H3C8: variants seen among roughly 807,000 people sequenced by gnomAD.
The protein encoded by H3C8 is histone H3.1.
Under a neutral mutation model 7.9 loss-of-function variants are expected in H3C8, and 15 were observed. The observed-to-expected ratio is 1.90, with a 90% CI of 1.27 to 2.93. H3C8 has a LOEUF of 2.93. Among genes scored for constraint, H3C8 ranks in the 30% most tolerant of loss-of-function variants. The pLI, the probability that H3C8 is intolerant of heterozygous loss-of-function variation, is 0.00. For synonymous variants in H3C8, 143 were observed against 77.6 expected (o/e 1.84, Z -4.43); for missense variants, 230 against 190.4 (o/e 1.21, Z -1.23).
Position 26,271,015 on chromosome 6 carries a change from C to G in H3C8, c.370G>C (p.Asp124His). The G allele has an allele frequency of 6.2e-7, 1 of 1,614,214 alleles. No individual in the cohort carries two copies. The highest frequency in any genetic ancestry group is 8.5e-7 in the Non-Finnish European group (1 of 1,180,038). The change falls in exon 1 of 1, where the codon GAC becomes CAC. Residue 124 changes from aspartate to histidine, a missense_variant. By Grantham distance (81) the Asp-to-His change is moderately conservative. Transcript: ENST00000614378. ...HAKRVTIMPK[D>H]IQLARRIRGE... ...CGAATGCGGCGAGCGAGCTGAATGT[C>G]CTTGGGCATGATAGTCACTCGCTTA...
At position 26,270,954 on chromosome 6, in the gene H3C8, G is replaced by A. The variant is rs772592178; in HGVS notation, c.*20C>T. The A allele has an allele frequency of 6.3e-5, 102 of 1,608,332 alleles. No individual in the cohort carries two copies. The highest frequency in any genetic ancestry group is 8.2e-5 in the Non-Finnish European group (97 of 1,178,300). On this transcript the variant is annotated 3_prime_UTR_variant, in exon 1 of 1. Coordinates refer to ENST00000614378, the MANE Select transcript of H3C8 (RefSeq NM_003534.3). The stretch of plus-strand genomic sequence containing the variant: ...TAAAAGAGCCTTTTTAAGTTGGATA[G>A]AATTACTGCCCGGAAACCTCTACGC...
rs1303090279 is a variant in H3C8, at chr6:26,271,194, C to A, written c.191G>T (p.Arg64Leu). ...CACCAGGCGTTGGAAAGGCAACTTG[C>A]GGATCAGCAGCTCAGTCGACTTCTG... The part of the protein sequence containing the change: ...RYQKSTELLI[R>L]KLPFQRLVRE... The change falls in exon 1 of 1, where the codon CGC becomes CTC. Residue 64 changes from arginine (R) to leucine (L), a missense_variant. Arg to Leu is a moderately radical substitution (Grantham distance 102, BLOSUM62 -2). Transcript: ENST00000614378. The A allele has an allele frequency of 1.3e-5, 21 of 1,614,126 alleles. No homozygotes were observed. Among genetic ancestry groups the A allele is most frequent in the Non-Finnish European group, 1.7e-5 (20 of 1,180,038 alleles).
At position 26,271,148 on chromosome 6, in the gene H3C8, G is replaced by T. The variant is rs1295175429; in HGVS notation, c.237C>A (p.Phe79Leu). The change falls in exon 1 of 1, where the codon TTC (phenylalanine) becomes TTA (leucine). Residue 79 changes from phenylalanine to leucine, a missense_variant. Coordinates refer to ENST00000614378, the MANE Select transcript of H3C8 (RefSeq NM_003534.3). ...AACTCTGAAAGCGCAGATCTGTCTTGAAGTCCTGAGCGATTTCTCGCACCA... is the reference window on the plus strand; with the variant it reads ...AACTCTGAAAGCGCAGATCTGTCTTTAAGTCCTGAGCGATTTCTCGCACCA... ...QRLVREIAQDFKTDLRFQSSA... is the reference protein window; with the variant it reads ...QRLVREIAQDLKTDLRFQSSA... The T allele has an allele frequency of 4.3e-6, 7 of 1,614,126 alleles. No homozygotes were observed. Among genetic ancestry groups the T allele is most frequent in the African/African-American group, 2.7e-5 (2 of 74,942 alleles).
Position 26,271,393 on chromosome 6 carries a change from A to G in H3C8, c.-9T>C. ...TGCTTGGTGCGGGCCATCTCAGACT[A>G]CCTGAAAGAAAAACTCAGCCACTTG... On this transcript the variant is annotated 5_prime_UTR_variant, in exon 1 of 1. Coordinates refer to ENST00000614378, the MANE Select transcript of H3C8 (RefSeq NM_003534.3). 6.3e-7 allele frequency: 1 copy of G among 1,595,142 alleles called. No individual in the cohort carries two copies. The highest frequency in any genetic ancestry group is 1.4e-5 in the African/African-American group (1 of 73,414).
At position 26,271,275 on chromosome 6, in the gene H3C8, T is replaced by C. The variant is rs1341954172; in HGVS notation, c.110A>G (p.Lys37Arg). The change falls in exon 1 of 1, where the codon AAG becomes AGG. Residue 37 changes from lysine to arginine, a missense_variant. Transcript: ENST00000614378. ...GCCGGGACGGTAGCGATGAGGTTTC[T>C]TCACGCCGCCGGTGGCCGGCGCGCT... is the stretch of plus-strand genomic sequence containing the variant. ...RKSAPATGGVKKPHRYRPGTV... is the reference protein window; with the variant it reads ...RKSAPATGGVRKPHRYRPGTV... 6.2e-7 allele frequency: 1 copy of C among 1,614,144 alleles called. No homozygotes were observed. The highest frequency in any genetic ancestry group is 8.5e-7 in the Non-Finnish European group (1 of 1,180,004).
chr6:26,271,102 C>A lies in H3C8; in HGVS notation c.283G>T (p.Glu95Ter), dbSNP rs760728212. 3 of 1,614,256 alleles carry A rather than the reference C, an allele frequency of 1.9e-6. No individual in the cohort carries two copies. In the South Asian group the frequency reaches 3.3e-5, roughly 18 times the overall value. The change falls in exon 1 of 1, where the codon GAG becomes TAG. Residue 95 changes from glutamate (E) to a stop codon, truncating the protein, a stop_gained. Transcript: ENST00000614378. LOFTEE classifies it high-confidence loss of function. ...CCCACCAAGTAGGCCTCGCAGGCCT[C>A]CTGCAGGGCCATCACCGCGGAACTC... ...FQSSAVMALQEACEAYLVGLF... is the reference protein window; with the variant it reads ...FQSSAVMALQ
At position 26,270,972 on chromosome 6, in the gene H3C8, C is replaced by T. The variant is rs553509994; in HGVS notation, c.*2G>A. The stretch of plus-strand genomic sequence containing the variant: ...TTGGATAGAATTACTGCCCGGAAAC[C>T]TCTACGCTCTCTCCCCACGAATGCG... On this transcript the variant is annotated 3_prime_UTR_variant, in exon 1 of 1. Coordinates refer to ENST00000614378, the MANE Select transcript of H3C8 (RefSeq NM_003534.3). 1.2e-6 allele frequency: 2 copies of T among 1,613,924 alleles called. No individual in the cohort carries two copies. Among genetic ancestry groups the T allele is most frequent in the African/African-American group, 1.3e-5 (1 of 75,048 alleles).
rs748185384 is a variant in H3C8, at chr6:26,271,044, T to G, written c.341A>C (p.His114Pro). Residue 114 changes from histidine (H) to proline (P), a missense_variant, in exon 1 of 1, where the codon CAT (histidine) becomes CCT (proline). Coordinates refer to ENST00000614378, the MANE Select transcript of H3C8 (RefSeq NM_003534.3). ...GGGCATGATAGTCACTCGCTTAGCA[T>G]GGATGGCACACAGGTTGGTATCCTC... The part of the protein sequence containing the change: ...LFEDTNLCAI[H>P]AKRVTIMPKD... 1.2e-6 allele frequency: 2 copies of G among 1,614,230 alleles called. No homozygotes were observed. The highest frequency in any genetic ancestry group is 1.7e-6 in the Non-Finnish European group (2 of 1,180,020).
rs1311328622 is a variant in H3C8, at chr6:26,270,956, A to G, written c.*18T>C. On this transcript the variant is annotated 3_prime_UTR_variant, in exon 1 of 1. Coordinates refer to ENST00000614378, the MANE Select transcript of H3C8 (RefSeq NM_003534.3). ...AAAGAGCCTTTTTAAGTTGGATAGA[A>G]TTACTGCCCGGAAACCTCTACGCTC... 3.1e-6 allele frequency: 5 copies of G among 1,608,792 alleles called. No homozygotes were observed. Among genetic ancestry groups the G allele is most frequent in the Admixed American group, 3.4e-5 (2 of 58,062 alleles).
At position 26,270,966 on chromosome 6, in the gene H3C8, G is replaced by A. The variant is rs764877240; in HGVS notation, c.*8C>T. 2.8e-5 allele frequency: 45 copies of A among 1,611,090 alleles called. No homozygotes were observed. The Admixed American group carries it at 3.1e-4, about 11-fold the overall frequency. Reference sequence around the variant, plus strand: ...TTTAAGTTGGATAGAATTACTGCCCGGAAACCTCTACGCTCTCTCCCCACG... The same window carrying A: ...TTTAAGTTGGATAGAATTACTGCCCAGAAACCTCTACGCTCTCTCCCCACG... On this transcript the variant is annotated 3_prime_UTR_variant, in exon 1 of 1. Transcript: ENST00000614378.
At position 26,270,937 on chromosome 6, in the gene H3C8, C is replaced by A. The variant is rs1311522454; in HGVS notation, c.*37G>T. The stretch of plus-strand genomic sequence containing the variant: ...TGAAAGTAGGCGGCTCTTAAAAGAG[C>A]CTTTTTAAGTTGGATAGAATTACTG... On this transcript the variant is annotated 3_prime_UTR_variant, in exon 1 of 1. Coordinates refer to ENST00000614378, the MANE Select transcript of H3C8 (RefSeq NM_003534.3). 1 of 1,589,094 alleles carries A rather than the reference C, an allele frequency of 6.3e-7. No homozygotes were observed. The highest frequency in any genetic ancestry group is 2.2e-5 in the East Asian group (1 of 44,702).
In H3C8 at chr6:26,271,181, G is replaced by T; in HGVS notation, c.204C>A (p.Phe68Leu). 5.6e-6 allele frequency: 9 copies of T among 1,614,264 alleles called. No individual in the cohort carries two copies. The highest frequency in any genetic ancestry group is 7.6e-6 in the Non-Finnish European group (9 of 1,180,042). Reference sequence around the variant, plus strand: ...GAGCGATTTCTCGCACCAGGCGTTGGAAAGGCAACTTGCGGATCAGCAGCT... The same window carrying T: ...GAGCGATTTCTCGCACCAGGCGTTGTAAAGGCAACTTGCGGATCAGCAGCT... ...STELLIRKLPFQRLVREIAQD... is the reference protein window; with the variant it reads ...STELLIRKLPLQRLVREIAQD... The change falls in exon 1 of 1, where the codon TTC becomes TTA. Residue 68 changes from phenylalanine (F) to leucine (L), a missense_variant. Coordinates refer to ENST00000614378, the MANE Select transcript of H3C8 (RefSeq NM_003534.3).
chr6:26,271,403 A>T lies in H3C8; in HGVS notation c.-19T>A. 6.3e-7 allele frequency: 1 copy of T among 1,592,574 alleles called. No homozygotes were observed. Among genetic ancestry groups the T allele is most frequent in the Non-Finnish European group, 8.5e-7 (1 of 1,173,706 alleles). On this transcript the variant is annotated 5_prime_UTR_variant, in exon 1 of 1. Transcript: ENST00000614378. The stretch of plus-strand genomic sequence containing the variant: ...GGGCCATCTCAGACTACCTGAAAGA[A>T]AAACTCAGCCACTTGGCAGAGTGGA...
chr6:26,271,134 C>T lies in H3C8; in HGVS notation c.251G>A (p.Arg84His), dbSNP rs781608741. 1.1e-5 allele frequency: 18 copies of T among 1,614,232 alleles called. 1 individual carries two copies. In the South Asian group the frequency reaches 1.5e-4, roughly 14 times the overall value. ...GGCCATCACCGCGGAACTCTGAAAG[C>T]GCAGATCTGTCTTGAAGTCCTGAGC... Reference protein sequence around the residue: ...EIAQDFKTDLRFQSSAVMALQ... With the variant: ...EIAQDFKTDLHFQSSAVMALQ... The change falls in exon 1 of 1, where the codon CGC becomes CAC. Residue 84 changes from arginine (R) to histidine (H), a missense_variant. By Grantham distance (29) the Arg-to-His change is conservative. Transcript: ENST00000614378.
In H3C8 at chr6:26,271,251, C is replaced by T; in HGVS notation, c.134G>A (p.Gly45Asp). Residue 45 changes from glycine to aspartate, a missense_variant, in exon 1 of 1, where the codon GGC becomes GAC. By Grantham distance (94) the Gly-to-Asp change is moderately conservative (BLOSUM62 -1). Coordinates refer to ENST00000614378, the MANE Select transcript of H3C8 (RefSeq NM_003534.3). ...GVKKPHRYRP[G>D]TVALREIRRY... ...GCGAATCTCGCGCAGAGCCACGGTG[C>T]CGGGACGGTAGCGATGAGGTTTCTT... is the stretch of plus-strand genomic sequence containing the variant. 2.5e-6 allele frequency: 4 copies of T among 1,614,242 alleles called. No homozygotes were observed. The highest frequency in any genetic ancestry group is 3.4e-6 in the Non-Finnish European group (4 of 1,180,036).
chr6:26,270,974 C>G lies in H3C8; in HGVS notation c.411G>C (p.Ter137TyrextTer?), dbSNP rs767426202. The G allele has an allele frequency of 6.2e-7, 1 of 1,614,004 alleles. No homozygotes were observed. Among genetic ancestry groups the G allele is most frequent in the Non-Finnish European group, 8.5e-7 (1 of 1,179,970 alleles). The change falls in exon 1 of 1, where the codon TAG becomes TAC. Residue 137 changes from the stop codon to tyrosine, a stop_lost. Transcript: ENST00000614378. ...GGATAGAATTACTGCCCGGAAACCTCTACGCTCTCTCCCCACGAATGCGGC... is the reference window on the plus strand; with the variant it reads ...GGATAGAATTACTGCCCGGAAACCTGTACGCTCTCTCCCCACGAATGCGGC... ...LARRIRGERA[*>Y] is the part of the protein sequence containing the mutation.
rs776780306 is a variant in H3C8 at position 26,271,157 on chromosome 6, A to T, written c.228T>A (p.Ala76=). ...AGCGCAGATCTGTCTTGAAGTCCTG[A>T]GCGATTTCTCGCACCAGGCGTTGGA... ...LPFQRLVREI[A]QDFKTDLRFQ... is the part of the protein sequence containing the mutation. The change falls in exon 1 of 1, where the codon GCT becomes GCA. Residue 76 remains alanine, a synonymous_variant. Transcript: ENST00000614378. 11 of 1,614,252 alleles carry T rather than the reference A, an allele frequency of 6.8e-6. No homozygotes were observed. The Admixed American group carries it at 1.8e-4, about 27-fold the overall frequency.
chr6:26,271,070 A>T lies in H3C8; in HGVS notation c.315T>A (p.Phe105Leu), dbSNP rs768298221. The T allele has an allele frequency of 6.2e-7, 1 of 1,614,080 alleles. No individual in the cohort carries two copies. Among genetic ancestry groups the T allele is most frequent in the Non-Finnish European group, 8.5e-7 (1 of 1,180,016 alleles). The change falls in exon 1 of 1, where the codon TTT becomes TTA. Residue 105 changes from phenylalanine to leucine, a missense_variant. By Grantham distance (22) the Phe-to-Leu change is conservative. Coordinates refer to ENST00000614378, the MANE Select transcript of H3C8 (RefSeq NM_003534.3). ...EACEAYLVGL[F>L]EDTNLCAIHA... Reference sequence around the variant, plus strand: ...GGATGGCACACAGGTTGGTATCCTCAAAGAGCCCCACCAAGTAGGCCTCGC... The same window carrying T: ...GGATGGCACACAGGTTGGTATCCTCTAAGAGCCCCACCAAGTAGGCCTCGC...
chr6:26,271,373 G>A lies in H3C8; in HGVS notation c.12C>T (p.Thr4=), dbSNP rs776745965. 19 of 1,611,630 alleles carry A rather than the reference G, an allele frequency of 1.2e-5. No individual in the cohort carries two copies. The East Asian group carries it at 2.0e-4, about 17-fold the overall frequency. MAR[T]KQTARKSTGG... ...CGGTGGACTTGCGTGCAGTCTGCTT[G>A]GTGCGGGCCATCTCAGACTACCTGA... Residue 4 remains threonine, a synonymous_variant, in exon 1 of 1, where the codon ACC becomes ACT. Coordinates refer to ENST00000614378, the MANE Select transcript of H3C8 (RefSeq NM_003534.3).
Sources: allele counts gnomAD v4.1 joint callset, GRCh38; gene constraint gnomAD v4.1.1; transcripts MANE v1.5; gene names NCBI Gene and HGNC (gene_info 2026-07-23, HGNC 2026-07-21).